Variants in GRK4 observed in about 807,000 individuals in gnomAD.
The protein encoded by GRK4 is G protein-coupled receptor kinase 4, also known as G protein-coupled receptor kinase 2-like.
A neutral mutation model predicts 77.9 loss-of-function variants in GRK4; 73 were observed. The ratio of observed to expected loss-of-function variants is 0.94; its 90% confidence interval spans 0.78 to 1.14. The LOEUF is 1.14. GRK4 is among the 50% of genes most tolerant of loss of function. The pLI is 0.00. For missense variants in GRK4, 729 were observed against 700.2 expected (o/e 1.04, Z -0.46); for synonymous variants, 257 against 254.4 (o/e 1.01, Z -0.10).
intron 1 of GRK4, among the ~76,000 whole-genome samples, chr4:2,982,132 C>A (rs1723046157): frequency 6.6e-6 from 1 of 152,228 alleles, no homozygotes; most frequent in Non-Finnish European, 1.5e-5. Context: ...ACAGGGATGC[C>A]CAGGTCAGCA....
intron 5 of GRK4, among the ~76,000 whole-genome samples, chr4:3,005,398 G>A (rs1007876833): frequency 1.3e-5 from 2 of 151,890 alleles, no homozygotes; most frequent in African/African-American, 2.4e-5. Flanking sequence ...ATGAGCCGGC[G>A]AGGCCGTTGC....
chr4:3,025,732 A>G (rs1163739307), intron 10 of GRK4, among the ~76,000 whole-genome samples: 1 of 152,148 alleles, frequency 6.6e-6, no homozygotes, highest in Non-Finnish European at 1.5e-5. Context: ...TAAAACATTT[A>G]TGTGGTTCCA....
chr4:3,005,337 C>A (rs372123781), intron 5 of GRK4, among the ~76,000 whole-genome samples: 3 of 151,948 alleles, frequency 2.0e-5, no homozygotes, highest in Non-Finnish European at 4.4e-5. Context: ...TTAAAAAGAT[C>A]GCTCTGGGTG....
intron 12 of GRK4, among the ~76,000 whole-genome samples, chr4:3,032,371 G>A (rs560674940): frequency 7.2e-5 from 11 of 151,744 alleles, no homozygotes; most frequent in South Asian, 2.1e-4. Context: ...CCAGGTACTC[G>A]GAAGGCTGTG....
At chr4:3,031,549 G>T (rs1239709867) in intron 12 of GRK4, among the ~76,000 whole-genome samples, 1 of 152,234 alleles carries the variant, frequency 6.6e-6, no homozygotes, top group Non-Finnish European at 1.5e-5. Flanking sequence ...ATGCCAGGGA[G>T]TGACTAGAGG....
chr4:3,001,227 A>G (rs542071647), intron 4 of GRK4, among the ~76,000 whole-genome samples: 2 of 140,778 alleles, frequency 1.4e-5, no homozygotes, highest in Admixed American at 7.2e-5. Flanking sequence ...ATATGTATAT[A>G]TGTGTATGTG....
At chr4:3,013,603 G>A in intron 7 of GRK4, 85 bp from the exon 8 acceptor site, 1 of 1,468,204 alleles carries the variant, frequency 6.8e-7, no homozygotes, top group Non-Finnish European at 9.2e-7. Context: ...GCCAGTGAGG[G>A]TCTCATCAAG....
chr4:3,026,735 G>A (rs1392613919), intron 10 of GRK4, among the ~76,000 whole-genome samples: 1 of 152,262 alleles, frequency 6.6e-6, no homozygotes, highest in Admixed American at 6.5e-5. Flanking sequence ...GGGTGGGCGC[G>A]CAGCAAGGGC....
intron 3 of GRK4, 141 bp downstream of exon 3, chr4:2,988,980 C>A (rs1384759727): frequency 3.4e-6 from 2 of 587,040 alleles, no homozygotes; most frequent in Non-Finnish European, 6.2e-6. Flanking sequence ...GTCAGGAGAT[C>A]GAGACCATCC....
chr4:2,979,950 C>G (rs1578013658), intron 1 of GRK4, among the ~76,000 whole-genome samples: 2 of 152,218 alleles, frequency 1.3e-5, no homozygotes, highest in Admixed American at 6.5e-5. Context: ...TTGTGAAAAG[C>G]ATGAAATGCA....
Position 3,019,769 on chromosome 4 carries a change from T to C in GRK4, c.870T>C (p.Val290=), listed in dbSNP as rs201879521. Reference sequence around the variant, plus strand: ...CCGGCTTTGATGAGCAGAGAGCCGTTTTCTATGCTGCAGAGCTGTGTTGCG... The same window carrying C: ...CCGGCTTTGATGAGCAGAGAGCCGTCTTCTATGCTGCAGAGCTGTGTTGCG... ...GNPGFDEQRA[V]FYAAELCCGL... Residue 290 remains valine, a synonymous_variant, in exon 9 of 16, where the codon GTT becomes GTC. Transcript: ENST00000398052. The C allele has an allele frequency of 6.2e-7, 1 of 1,614,170 alleles. No homozygotes were observed. Among genetic ancestry groups the C allele is most frequent in the African/African-American group, 1.3e-5 (1 of 75,036 alleles).
chr4:2,982,629 C>T (rs1723161348), intron 1 of GRK4, among the ~76,000 whole-genome samples: 1 of 152,190 alleles, frequency 6.6e-6, no homozygotes, highest in African/African-American at 2.4e-5. Context: ...CAGCTCAGCT[C>T]TGTACTCCTT....
chr4:3,008,691 A>G (rs1732017273), intron 6 of GRK4, among the ~76,000 whole-genome samples: 1 of 151,928 alleles, frequency 6.6e-6, no homozygotes, highest in South Asian at 2.1e-4. Flanking sequence ...ACTCCCAGCT[A>G]CTTGGGAGGC....
At chr4:2,984,462 T>C (rs914930650) in intron 1 of GRK4, 51 bp from the exon 2 acceptor site, 7 of 990,584 alleles carry the variant, frequency 7.1e-6, no homozygotes, top group African/African-American at 3.2e-5. Context: ...GTTGTTATAA[T>C]TGGATATTTC....
chr4:3,027,920 C>T lies in GRK4; in HGVS notation c.979C>T (p.Arg327Trp), dbSNP rs1040220531. 9.3e-6 allele frequency: 15 copies of T among 1,613,856 alleles called. No individual in the cohort carries two copies. The East Asian group carries it at 1.1e-4, about 12-fold the overall frequency. Reference protein sequence around the residue: ...NILLDDRGHIRISDLGLATEI... With the variant: ...NILLDDRGHIWISDLGLATEI... ...CATATTTGAACACACAGGACACATC[C>T]GGATTTCAGACCTCGGTTTGGCCAC... The change falls in exon 11 of 16, where the codon CGG (arginine) becomes TGG (tryptophan). Residue 327 changes from arginine (R) to tryptophan (W), a missense_variant. Physicochemically the swap from Arg to Trp is moderately radical, Grantham distance 101. Coordinates refer to ENST00000398052, the MANE Select transcript of GRK4 (RefSeq NM_182982.3).
Position 3,025,544 on chromosome 4 carries a change from C to T in GRK4, c.971-2368C>T, listed in dbSNP as rs183230385. Among the ~76,000 whole-genome samples, 518 of 151,438 alleles carry T rather than the reference C, an allele frequency of 3.4e-3. 1 individual carries two copies. Among genetic ancestry groups the T allele is most frequent in the Non-Finnish European group, 3.7e-3 (249 of 67,890 alleles). On this transcript the variant is annotated intron_variant, in intron 10 of 15. Coordinates refer to ENST00000398052, the MANE Select transcript of GRK4 (RefSeq NM_182982.3). ...AGCTGGGACTACAGGCGCCCGCCACCACGCCCGGCTAATTTTTTATATTTT... is the reference window on the plus strand; with the variant it reads ...AGCTGGGACTACAGGCGCCCGCCACTACGCCCGGCTAATTTTTTATATTTT...
chr4:2,995,330 T>G (rs1224894044), intron 4 of GRK4, among the ~76,000 whole-genome samples: 3 of 151,964 alleles, frequency 2.0e-5, no homozygotes, highest in Non-Finnish European at 2.9e-5. Context: ...GTTCAAGGTG[T>G]TGTTGACCTA....
chr4:2,987,205 A>G (rs1560383759), intron 2 of GRK4: 1 of 492,904 alleles, frequency 2.0e-6, no homozygotes, highest in Non-Finnish European at 4.0e-6. Context: ...ATAAATGGGA[A>G]TCATAAACTA....
intron 5 of GRK4, among the ~76,000 whole-genome samples, chr4:3,007,244 A>T (rs1366922819): frequency 2.0e-5 from 3 of 152,162 alleles, no homozygotes; most frequent in Non-Finnish European, 2.9e-5. Flanking sequence ...AAATACTTGG[A>T]AGTATTAATG....
Sources: gnomAD v4.1 joint callset for allele counts (sites outside exome capture counted in the v4.1 genomes callset) on GRCh38, gnomAD v4.1.1 for gene constraint, MANE v1.5 for transcripts, NCBI Gene and HGNC (gene_info 2026-07-23, HGNC 2026-07-21) for gene names.